The following EAPP variants were observed in gnomAD, a reference collection of about 807,000 sequenced individuals.
EAPP encodes the protein E2F-associated phosphoprotein.
In EAPP, 38 loss-of-function variants were observed where a neutral mutation model predicts 34.3. The observed-to-expected ratio is 1.11, with a 90% CI of 0.85 to 1.45. EAPP has a LOEUF of 1.45. EAPP is among the 40% of genes most tolerant of loss of function. The pLI is 0.00. For synonymous variants in EAPP, 113 were observed against 117.6 expected, an observed-to-expected ratio of 0.96 and a Z score of 0.25; for missense variants, 338 against 343.7, an observed-to-expected ratio of 0.98 and a Z score of 0.13.
chr14:34,527,266 A>C (rs940525440), intron 4 of EAPP, among the ~76,000 whole-genome samples: 1 of 151,846 alleles, frequency 6.6e-6, no homozygotes, highest in Non-Finnish European at 1.5e-5. Flanking sequence ...CCAGGAGTTC[A>C]AGATCACCTT....
At chr14:34,517,983 C>G (rs943769730) in intron 5 of EAPP, among the ~76,000 whole-genome samples, 3 of 151,948 alleles carry the variant, frequency 2.0e-5, no homozygotes, top group African/African-American at 7.3e-5. Flanking sequence ...CCAGGTTGGT[C>G]AGGCTGGTCT....
At chr14:34,524,901 A>C in intron 4 of EAPP, 94 bp from the exon 5 acceptor site, 1 of 914,058 alleles carries the variant, frequency 1.1e-6, no homozygotes, top group Non-Finnish European at 1.7e-6. Context: ...AGTACTATTC[A>C]GAGAAATGGC....
At chr14:34,538,078 T>TA (rs1208399632) in intron 1 of EAPP, among the ~76,000 whole-genome samples, 1 of 152,010 alleles carries the variant, frequency 6.6e-6, no homozygotes, top group East Asian at 1.9e-4. Context: ...AAAGCTTCCT[T>TA]AAAAAAATGA....
chr14:34,528,952 T>C (rs1015220273), intron 4 of EAPP, among the ~76,000 whole-genome samples: 5 of 151,676 alleles, frequency 3.3e-5, no homozygotes, highest in Non-Finnish European at 7.4e-5. Flanking sequence ...CTGGCCAACA[T>C]GGTGAAACCC....
At chr14:34,533,913 C>A (rs1880378753) in intron 2 of EAPP, among the ~76,000 whole-genome samples, 1 of 152,076 alleles carries the variant, frequency 6.6e-6, no homozygotes, top group African/African-American at 2.4e-5. Flanking sequence ...AGGGTAAGAA[C>A]CCTATAGGAA....
chr14:34,536,004 G>T, intron 2 of EAPP, 90 bp downstream of exon 2: 1 of 886,630 alleles, frequency 1.1e-6, no homozygotes, highest in Non-Finnish European at 1.7e-6. Flanking sequence ...AGCACCTACT[G>T]AAAGTGCTGG....
intron 5 of EAPP, among the ~76,000 whole-genome samples, chr14:34,522,039 G>C (rs898072794): frequency 3.3e-5 from 5 of 152,086 alleles, no homozygotes; most frequent in African/African-American, 1.2e-4. Flanking sequence ...GCTCACTGCA[G>C]CCTCGACTTC....
chr14:34,537,763 G>C (rs1157889828), intron 1 of EAPP, among the ~76,000 whole-genome samples: 2 of 152,224 alleles, frequency 1.3e-5, no homozygotes, highest in Non-Finnish European at 2.9e-5. Flanking sequence ...TGACAAGCAA[G>C]AGCAAGCCAC....
In EAPP at chr14:34,536,087, A is replaced by G. The variant is rs1479803924; in HGVS notation, c.256+7T>C. On this transcript the variant is annotated splice_region_variant and intron_variant, in intron 2 of 5. Transcript: ENST00000250454. ...AAAATATATATAAAATTGAACCAAAAGTTTACCAGTTCCCAGAGAGGATAA... is the reference window on the plus strand; with the variant it reads ...AAAATATATATAAAATTGAACCAAAGGTTTACCAGTTCCCAGAGAGGATAA... 2 of 1,601,206 alleles carry G rather than the reference A, an allele frequency of 1.2e-6. No individual in the cohort carries two copies. Among genetic ancestry groups the G allele is most frequent in the South Asian group, 1.1e-5 (1 of 87,938 alleles).
At chr14:34,539,182 A>G (rs1167329089) in intron 1 of EAPP, 3 of 397,126 alleles carry the variant, frequency 7.6e-6, no homozygotes, top group African/African-American at 2.1e-5. Flanking sequence ...GTGTTATACT[A>G]TGTTATATAG....
intron 5 of EAPP, among the ~76,000 whole-genome samples, chr14:34,516,999 G>A (rs1377725336): frequency 7.3e-5 from 11 of 149,806 alleles, no homozygotes; most frequent in African/African-American, 2.2e-4. Flanking sequence ...GTGCAGTGGC[G>A]CGATCTCGGC....
chr14:34,539,026 T>C (rs529598923), intron 1 of EAPP, among the ~76,000 whole-genome samples: 109 of 152,290 alleles, frequency 7.2e-4, no homozygotes, highest in African/African-American at 2.5e-3. Flanking sequence ...TTTATCTCTG[T>C]AGCTCAGAGC....
At chr14:34,522,394 T>TTGTGATA (rs1233265522) in intron 5 of EAPP, among the ~76,000 whole-genome samples, 38 of 152,274 alleles carry the variant, frequency 2.5e-4, no homozygotes, top group East Asian at 1.2e-3. Flanking sequence ...TATCACAGTA[T>TTGTGATA]TGTGATATGT....
At chr14:34,525,380 C>T (rs981240150) in intron 4 of EAPP, among the ~76,000 whole-genome samples, 1 of 151,002 alleles carries the variant, frequency 6.6e-6, no homozygotes, top group African/African-American at 2.5e-5. Context: ...AATACCAACA[C>T]ACAAAACTCA....
chr14:34,532,225 AG>A (rs1880319734), intron 3 of EAPP, among the ~76,000 whole-genome samples: 1 of 151,998 alleles, frequency 6.6e-6, no homozygotes, highest in African/African-American at 2.4e-5. Flanking sequence ...TGGGAGGCTG[AG>A]GCGGGTGGAT....
intron 4 of EAPP, among the ~76,000 whole-genome samples, chr14:34,525,593 A>G (rs560481114): frequency 6.6e-6 from 1 of 152,304 alleles, no homozygotes; most frequent in Non-Finnish European, 1.5e-5. Flanking sequence ...TAAGAAACTG[A>G]CAGAGTCAAG....
chr14:34,519,233 G>C (rs1879833969), intron 5 of EAPP, among the ~76,000 whole-genome samples: 1 of 151,968 alleles, frequency 6.6e-6, no homozygotes, highest in South Asian at 2.1e-4. Context: ...TTTGCCTTCT[G>C]CCATCATTAA....
At chr14:34,530,848 C>T (rs1880260217) in intron 3 of EAPP, among the ~76,000 whole-genome samples, 1 of 130,456 alleles carries the variant, frequency 7.7e-6, no homozygotes, top group South Asian at 2.4e-4. Flanking sequence ...GGGAGGATTG[C>T]TTGAAGCCAG....
At chr14:34,533,247 C>G (rs1346283559) in intron 3 of EAPP, among the ~76,000 whole-genome samples, 197 bp downstream of exon 3, 2 of 152,058 alleles carry the variant, frequency 1.3e-5, no homozygotes, top group African/African-American at 4.8e-5. Context: ...GTTGGTCAGG[C>G]TGGTCTTAAA....
Sources: allele counts gnomAD v4.1 joint callset (sites outside exome capture counted in the v4.1 genomes callset), GRCh38; gene constraint gnomAD v4.1.1; transcripts MANE v1.5; gene names NCBI Gene and HGNC (gene_info 2026-07-23, HGNC 2026-07-21).